TRPM3: variants seen among roughly 807,000 people sequenced by gnomAD.
TRPM3 encodes long transient receptor potential channel 3.
In TRPM3, 77 loss-of-function variants were observed where a neutral mutation model predicts 181.2. That is an observed-to-expected ratio of 0.42 (90% CI 0.35 to 0.51). The LOEUF (loss-of-function observed/expected upper bound fraction) is 0.51, where lower values mean the gene tolerates loss of function less well. TRPM3 is among the 20% of genes least tolerant of loss of function. The pLI, the probability that TRPM3 is intolerant of heterozygous loss-of-function variation, is 0.01. For missense variants in TRPM3, 1,759 were observed against 2,196.7 expected, an observed-to-expected ratio of 0.80 and a Z score of 3.98; for synonymous variants, 745 against 796.4, an observed-to-expected ratio of 0.94 and a Z score of 1.09.
chr9:70,947,530 G>A (rs2096948129), intron 1 of TRPM3, among the ~76,000 whole-genome samples: 1 of 152,118 alleles, frequency 6.6e-6, no homozygotes, highest in Non-Finnish European at 1.5e-5. Context: ...ATGGAGAATG[G>A]AGAGAGGGGT....
intron 5 of TRPM3, among the ~76,000 whole-genome samples, chr9:70,832,784 C>T (rs2094028262): frequency 6.6e-6 from 1 of 152,132 alleles, no homozygotes; most frequent in African/African-American, 2.4e-5. Context: ...CATTTTTGGT[C>T]TCACCCAGAA....
At chr9:71,149,876 T>A (rs2075636583) in intron 1 of TRPM3, among the ~76,000 whole-genome samples, 1 of 152,072 alleles carries the variant, frequency 6.6e-6, no homozygotes, top group African/African-American at 2.4e-5. Flanking sequence ...GGTGGGAGGA[T>A]GGCTTGTGCC....
chr9:70,886,254 T>A (rs559397756), intron 1 of TRPM3, among the ~76,000 whole-genome samples: 1 of 152,100 alleles, frequency 6.6e-6, no homozygotes, highest in South Asian at 2.1e-4. Context: ...TTAATAGATA[T>A]AAATTAAACC....
chr9:70,677,170 G>C (rs2064200669), intron 9 of TRPM3, among the ~76,000 whole-genome samples: 2 of 152,128 alleles, frequency 1.3e-5, no homozygotes, highest in South Asian at 4.1e-4. Context: ...AGTGTGCCAT[G>C]TCGGCTTACC....
chr9:70,677,536 C>T (rs2064306398), intron 9 of TRPM3, among the ~76,000 whole-genome samples: 1 of 152,242 alleles, frequency 6.6e-6, no homozygotes, highest in Non-Finnish European at 1.5e-5. Context: ...AGGAATGCTA[C>T]ACAGAGAGGC....
chr9:70,967,392 G>GT (rs34568239), intron 1 of TRPM3, among the ~76,000 whole-genome samples: 43,420 of 151,106 alleles, frequency 0.29, 6,241 homozygotes, highest in East Asian at 0.36. Context: ...CTCTAAATAT[G>GT]TTTTTTTTTA....
chr9:70,758,331 G>A (rs1355107209), intron 8 of TRPM3, among the ~76,000 whole-genome samples: 1 of 151,992 alleles, frequency 6.6e-6, no homozygotes, highest in African/African-American at 2.4e-5. Flanking sequence ...AAATAAGAAA[G>A]GACACAAACA....
At chr9:71,196,289 GATA>G (rs1268150472) in intron 1 of TRPM3, among the ~76,000 whole-genome samples, 2 of 119,544 alleles carry the variant, frequency 1.7e-5, no homozygotes, top group Non-Finnish European at 3.8e-5. Context: ...ATTTATTTCT[GATA>G]GTATTGAAGT....
chr9:70,864,599 T>C, intron 1 of TRPM3, 88 bp from the exon 2 acceptor site: 1 of 895,332 alleles, frequency 1.1e-6, no homozygotes, highest in South Asian at 2.7e-5. Context: ...AAGCAAAATT[T>C]CATAATCACA....
chr9:71,183,584 T>G (rs2077519816), intron 1 of TRPM3, among the ~76,000 whole-genome samples: 1 of 152,156 alleles, frequency 6.6e-6, no homozygotes, highest in South Asian at 2.1e-4. Context: ...CAAGCTTTAC[T>G]TATTAATTTC....
chr9:71,421,021 G>GAGAGAAAAAGAGAGAAAA (rs1563912890), intron 1 of TRPM3, among the ~76,000 whole-genome samples: 1 of 150,964 alleles, frequency 6.6e-6, no homozygotes, highest in East Asian at 1.9e-4. Context: ...GAGAGAAAAA[G>GAGAGAAAAAGAGAGAAAA]AGAGAAAAAG....
intron 1 of TRPM3, among the ~76,000 whole-genome samples, chr9:71,368,701 G>A (rs1322807662): frequency 6.6e-6 from 1 of 152,110 alleles, no homozygotes; most frequent in Non-Finnish European, 1.5e-5. Flanking sequence ...TTAAGTTTAG[G>A]TGAAAAAATA....
chr9:70,600,375 T>C (rs1389471598), intron 20 of TRPM3, among the ~76,000 whole-genome samples: 1 of 152,196 alleles, frequency 6.6e-6, no homozygotes, highest in Non-Finnish European at 1.5e-5. Context: ...ATGTCCACTA[T>C]AATGATTTAC....
intron 22 of TRPM3, among the ~76,000 whole-genome samples, chr9:70,574,648 G>A (rs2132233227): frequency 6.6e-6 from 1 of 152,324 alleles, no homozygotes; most frequent in East Asian, 1.9e-4. Context: ...AGCTTCATCA[G>A]TTTTTCTCAT....
chr9:71,068,095 G>A (rs1302082014), intron 1 of TRPM3, among the ~76,000 whole-genome samples: 2 of 152,080 alleles, frequency 1.3e-5, no homozygotes, highest in African/African-American at 4.8e-5. Flanking sequence ...TGTCTATGGT[G>A]TTTAGTTTCA....
chr9:71,262,710 A>C (rs2083146451), intron 1 of TRPM3, among the ~76,000 whole-genome samples: 1 of 152,198 alleles, frequency 6.6e-6, no homozygotes, highest in Admixed American at 6.5e-5. Context: ...AGACCGTGGG[A>C]AAAGCGTAGT....
intron 9 of TRPM3, among the ~76,000 whole-genome samples, chr9:70,657,292 G>GT (rs3073511): frequency 0.068 from 10,024 of 147,368 alleles, 473 homozygotes; most frequent in African/African-American, 0.13. Flanking sequence ...TAAATTGTAA[G>GT]TTTTTTTTTT....
At chr9:70,970,173 T>G (rs2097227454) in intron 1 of TRPM3, among the ~76,000 whole-genome samples, 1 of 152,126 alleles carries the variant, frequency 6.6e-6, no homozygotes, top group African/African-American at 2.4e-5. Context: ...GAACCTCTAC[T>G]TCAAGGTTAT....
At chr9:71,344,667 A>C (rs1346002379) in intron 1 of TRPM3, among the ~76,000 whole-genome samples, 10 of 152,176 alleles carry the variant, frequency 6.6e-5, no homozygotes. Context: ...TCATCACACC[A>C]CTGAGGTTGA....
Sources: allele counts gnomAD v4.1 joint callset (sites outside exome capture counted in the v4.1 genomes callset), GRCh38; gene constraint gnomAD v4.1.1; transcripts MANE v1.5; gene names NCBI Gene and HGNC (gene_info 2026-07-23, HGNC 2026-07-21).